The following SH3KBP1 variants were observed in gnomAD, a reference collection of about 807,000 sequenced individuals.
The protein encoded by SH3KBP1 is SH3 domain-containing kinase-binding protein 1.
SH3KBP1 carries 8 observed loss-of-function variants against 50.1 expected under a neutral mutation model. That is an observed-to-expected ratio of 0.16 (90% CI 0.09 to 0.29). SH3KBP1 has a LOEUF of 0.29. Ranked by LOEUF, SH3KBP1 falls within the 10% of genes least tolerant of loss-of-function variation. The pLI, the probability that SH3KBP1 is intolerant of heterozygous loss-of-function variation, is 1.00. For synonymous variants in SH3KBP1, 227 were observed against 218.6 expected, an observed-to-expected ratio of 1.04 and a Z score of -0.34; for missense variants, 377 against 535.2, an observed-to-expected ratio of 0.70 and a Z score of 2.92.
chrX:19,731,997 A>G (rs2064393721), intron 3 of SH3KBP1, among the ~76,000 whole-genome samples: 1 of 112,204 alleles, frequency 8.9e-6, no homozygotes, highest in African/African-American at 3.2e-5. Context: ...CATTTAATAT[A>G]CTGTCATAGT....
chrX:19,625,342 TG>T (rs112980167), intron 8 of SH3KBP1, among the ~76,000 whole-genome samples: 1,704 of 111,056 alleles, frequency 0.015, 34 homozygotes, highest in African/African-American at 0.053. Flanking sequence ...CATTTTTTTT[TG>T]CCCCCCGACA....
At chrX:19,766,742 C>T (rs776038407) in intron 2 of SH3KBP1, among the ~76,000 whole-genome samples, 11 of 109,909 alleles carry the variant, frequency 1.0e-4, no homozygotes, top group Non-Finnish European at 2.1e-4. Context: ...CCACCCGCCT[C>T]GGCCTCCCAA....
chrX:19,601,965 C>T (rs1176206591), intron 9 of SH3KBP1, among the ~76,000 whole-genome samples: 1 of 111,182 alleles, frequency 9.0e-6, no homozygotes, highest in Non-Finnish European at 1.9e-5. Context: ...CTACATCCAT[C>T]ATCTCCCATT....
intron 12 of SH3KBP1, among the ~76,000 whole-genome samples, chrX:19,583,829 T>C (rs1259874169): frequency 9.7e-6 from 1 of 103,311 alleles, no homozygotes; most frequent in Non-Finnish European, 1.9e-5. Flanking sequence ...TATATTAATA[T>C]ACTAATATAT....
In SH3KBP1 at chrX:19,608,066, G is replaced by A. The variant is rs760800768; in HGVS notation, c.898-21C>T. ...CAGTCCTAGAAAACAGGAGAACAGA[G>A]AGTGAGAGATGGGGGCAAGCAGCCT... On this transcript the variant is annotated intron_variant, in intron 8 of 17. Coordinates refer to ENST00000397821, the MANE Select transcript of SH3KBP1 (RefSeq NM_031892.3). 8 of 1,173,603 alleles carry A rather than the reference G, an allele frequency of 6.8e-6. No individual in the cohort carries two copies. The South Asian group carries it at 1.5e-4, about 21-fold the overall frequency.
intron 7 of SH3KBP1, among the ~76,000 whole-genome samples, chrX:19,632,199 C>T (rs768024038): frequency 1.0e-3 from 116 of 111,275 alleles, no homozygotes; most frequent in African/African-American, 3.8e-3. Context: ...CATGAGATGC[C>T]CCTGACTGCT....
rs189995160 is a variant in SH3KBP1 at position 19,643,151 on chromosome X, C to T, written c.802+2249G>A. On this transcript the variant is annotated intron_variant, in intron 7 of 17. Coordinates refer to ENST00000397821, the MANE Select transcript of SH3KBP1 (RefSeq NM_031892.3). ...AAACATAGGTGTCGTATCAAAATCC[C>T]GAAGCAGGGAAATGGTCCAAATGAA... Among the ~76,000 whole-genome samples, 440 of 109,008 alleles carry T rather than the reference C, an allele frequency of 4.0e-3. 4 individuals are homozygous for T. Among genetic ancestry groups the T allele is most frequent in the Admixed American group, 7.0e-3 (71 of 10,154 alleles). 94.7% of individuals were successfully genotyped at this position (109,008 alleles called of 115,157 possible). A position where few individuals can be genotyped will look rare whatever the true frequency, so the allele number is the denominator to read the frequency against.
intron 2 of SH3KBP1, among the ~76,000 whole-genome samples, chrX:19,812,969 T>G (rs973892738): frequency 9.1e-6 from 1 of 109,984 alleles, no homozygotes; most frequent in African/African-American, 3.3e-5. Flanking sequence ...AGAGAGACTC[T>G]GTCTCAAAAG....
At chrX:19,668,076 G>A (rs191085062) in intron 6 of SH3KBP1, among the ~76,000 whole-genome samples, 1 of 111,258 alleles carries the variant, frequency 9.0e-6, no homozygotes, top group Admixed American at 9.6e-5. Flanking sequence ...AGAGACCCTA[G>A]GGATATCATG....
chrX:19,677,401 G>T (rs2062954407), intron 6 of SH3KBP1, among the ~76,000 whole-genome samples: 1 of 111,662 alleles, frequency 9.0e-6, no homozygotes, highest in Non-Finnish European at 1.9e-5. Context: ...GTATTCATGA[G>T]AATACAGTCT....
At chrX:19,718,544 GTAATATACTGTAATCACT>G (rs2063973418) in intron 3 of SH3KBP1, among the ~76,000 whole-genome samples, 2 of 112,084 alleles carry the variant, frequency 1.8e-5, no homozygotes, top group South Asian at 7.3e-4. Context: ...CAAAGAGCAC[GTAATATACTGTAATCACT>G]TTTTAAAAAC....
Position 19,535,083 on chromosome X carries a change from C to T in SH3KBP1, c.*1334G>A. ...TAAGGGACCACCCCCTCCACCCCTA[C>T]CCCTGAACAGTCTCGCAATACAGTA... On this transcript the variant is annotated 3_prime_UTR_variant, in exon 18 of 18. Coordinates refer to ENST00000397821, the MANE Select transcript of SH3KBP1 (RefSeq NM_031892.3). 6.7e-6 allele frequency: 2 copies of T among 297,185 alleles called. No homozygotes were observed. 24.5% of individuals were successfully genotyped at this position (297,185 alleles called of 1,213,427 possible).
At chrX:19,593,415 T>C (rs770681624) in intron 10 of SH3KBP1, among the ~76,000 whole-genome samples, 3 of 111,748 alleles carry the variant, frequency 2.7e-5, no homozygotes, top group African/African-American at 9.8e-5. Context: ...CAATTTCATA[T>C]CTGATTTTTT....
chrX:19,550,140 T>C, intron 13 of SH3KBP1, 57 bp from the exon 14 acceptor site: 1 of 734,927 alleles, frequency 1.4e-6, no homozygotes, highest in Non-Finnish European at 2.1e-6. Flanking sequence ...ACTCTTATGA[T>C]ATGTCATAAG....
At chrX:19,719,673 G>A (rs965214641) in intron 3 of SH3KBP1, among the ~76,000 whole-genome samples, 1 of 109,439 alleles carries the variant, frequency 9.1e-6, no homozygotes, top group African/African-American at 3.3e-5. Flanking sequence ...TGATTTCACT[G>A]CTCATGGATA....
intron 12 of SH3KBP1, among the ~76,000 whole-genome samples, chrX:19,579,274 G>T (rs764292279): frequency 1.3e-4 from 14 of 111,885 alleles, no homozygotes; most frequent in Non-Finnish European, 1.3e-4. Flanking sequence ...CCCATCCAGG[G>T]CCTGACAAGC....
intron 2 of SH3KBP1, among the ~76,000 whole-genome samples, chrX:19,747,991 C>T (rs1446745282): frequency 2.7e-5 from 3 of 112,454 alleles, no homozygotes; most frequent in Non-Finnish European, 3.8e-5. Flanking sequence ...AAACATTGCC[C>T]GCCTGAGCCA....
At chrX:19,720,745 T>C (rs943020586) in intron 3 of SH3KBP1, among the ~76,000 whole-genome samples, 4 of 111,074 alleles carry the variant, frequency 3.6e-5, no homozygotes, top group Non-Finnish European at 7.6e-5. Context: ...GATGAGGGAA[T>C]GAGGGGTAGG....
intron 2 of SH3KBP1, among the ~76,000 whole-genome samples, chrX:19,791,993 A>G (rs1209869884): frequency 1.8e-5 from 2 of 111,763 alleles, no homozygotes; most frequent in African/African-American, 6.5e-5. Flanking sequence ...TACTCAATGG[A>G]TACTAAAAAT....
Sources: gnomAD v4.1 joint callset for allele counts (sites outside exome capture counted in the v4.1 genomes callset) on GRCh38, gnomAD v4.1.1 for gene constraint, MANE v1.5 for transcripts, NCBI Gene and HGNC (gene_info 2026-07-23, HGNC 2026-07-21) for gene names.